The following MCPH1 variants were observed in gnomAD, a reference collection of about 807,000 sequenced individuals.
MCPH1 encodes microcephalin 1, also known as microcephalin.
MCPH1 carries 104 observed loss-of-function variants against 84.5 expected under a neutral mutation model. The ratio of observed to expected loss-of-function variants is 1.23; its 90% CI spans 1.05 to 1.45. MCPH1 has a LOEUF of 1.45. Among genes scored for constraint, MCPH1 ranks in the 40% most tolerant of loss-of-function variants. The pLI, the probability that MCPH1 is intolerant of heterozygous loss-of-function variation, is 0.00. For synonymous variants in MCPH1, 514 were observed against 366.8 expected (o/e 1.40, Z -4.58); for missense variants, 1,498 against 1,005.7 (o/e 1.49, Z -6.62).
intron 12 of MCPH1, among the ~76,000 whole-genome samples, chr8:6,531,720 G>A (rs1051641323): frequency 7.2e-5 from 11 of 152,204 alleles, no homozygotes; most frequent in African/African-American, 2.7e-4. Context: ...CCCAGAAAAG[G>A]TGAGTGCCTC....
chr8:6,478,997 G>T (rs1182494291), intron 10 of MCPH1, among the ~76,000 whole-genome samples: 1 of 152,184 alleles, frequency 6.6e-6, no homozygotes, highest in Non-Finnish European at 1.5e-5. Flanking sequence ...GGGTGTGTTG[G>T]TTCACGGCTA....
chr8:6,410,668 C>T (rs1798413529), intron 2 of MCPH1, among the ~76,000 whole-genome samples: 2 of 152,142 alleles, frequency 1.3e-5, no homozygotes, highest in African/African-American at 2.4e-5. Flanking sequence ...GATTCATTCA[C>T]GGGGAAGCCC....
At chr8:6,561,173 T>C (rs190199936) in intron 12 of MCPH1, among the ~76,000 whole-genome samples, 1 of 152,368 alleles carries the variant, frequency 6.6e-6, no homozygotes, top group East Asian at 1.9e-4. Context: ...GCTATGAATT[T>C]TAGAAGATGT....
At chr8:6,554,362 G>A (rs957556043) in intron 12 of MCPH1, among the ~76,000 whole-genome samples, 5 of 151,542 alleles carry the variant, frequency 3.3e-5, no homozygotes, top group Non-Finnish European at 7.4e-5. Flanking sequence ...CTTTGTTCAC[G>A]TTCTCGCCCC....
chr8:6,418,620 G>A (rs983983401), intron 3 of MCPH1, among the ~76,000 whole-genome samples: 1 of 151,894 alleles, frequency 6.6e-6, no homozygotes, highest in African/African-American at 2.4e-5. Context: ...GTCTCGCTCT[G>A]TCGCCAGGCT....
intron 11 of MCPH1, among the ~76,000 whole-genome samples, chr8:6,494,759 G>A (rs960815705): frequency 1.3e-5 from 2 of 152,178 alleles, no homozygotes; most frequent in African/African-American, 4.8e-5. Flanking sequence ...GGGATGGGGA[G>A]TGATTACTTA....
chr8:6,530,583 G>GAT (rs1187070260), intron 12 of MCPH1, among the ~76,000 whole-genome samples: 1 of 147,900 alleles, frequency 6.8e-6, no homozygotes, highest in African/African-American at 2.5e-5. Context: ...ATTCGCTTTA[G>GAT]ATATATATTG....
Position 6,433,403 on chromosome 8 carries a change from C to T in MCPH1, c.321+1817C>T, listed in dbSNP as rs1437722418. Among the ~76,000 whole-genome samples the T allele has an allele frequency of 5.3e-5, 8 of 152,156 alleles. No individual in the cohort carries two copies. In the East Asian group the frequency reaches 5.8e-4, roughly 11 times the overall value. ...ATCCCAGCACTTCAGAAGGCCAAGGCGGGCAAATCAGTTGAGGCCAGGAGT... is the reference window on the plus strand; with the variant it reads ...ATCCCAGCACTTCAGAAGGCCAAGGTGGGCAAATCAGTTGAGGCCAGGAGT... On this transcript the variant is annotated intron_variant, in intron 4 of 13. Transcript: ENST00000344683.
At chr8:6,617,879 C>CATCT (rs1168600044) in intron 12 of MCPH1, among the ~76,000 whole-genome samples, 1 of 119,808 alleles carries the variant, frequency 8.3e-6, no homozygotes, top group African/African-American at 3.0e-5. Context: ...GTCTATCATC[C>CATCT]ATCTATCTAT....
chr8:6,625,049 AT>A (rs1831922004), intron 13 of MCPH1: 2 of 527,214 alleles, frequency 3.8e-6, no homozygotes, highest in South Asian at 8.3e-5. Context: ...TAATTTTTGT[AT>A]TTTTAGTAGA....
chr8:6,499,904 T>G lies in MCPH1; in HGVS notation c.2189T>G (p.Leu730Arg). The change falls in exon 12 of 14, where the codon CTG (leucine) becomes CGG (arginine). Residue 730 changes from leucine to arginine, a missense_variant. Coordinates refer to ENST00000344683, the MANE Select transcript of MCPH1 (RefSeq NM_024596.5). ...TGGATTTCTGAGGAGCCGTTCGAAC[T>G]GTCTCACCACTTCCCTGCAGCTCCC... Reference protein sequence around the residue: ...GHWISEEPFELSHHFPAAPLC... With the variant: ...GHWISEEPFERSHHFPAAPLC... The G allele has an allele frequency of 6.2e-7, 1 of 1,613,746 alleles. No individual in the cohort carries two copies. Among genetic ancestry groups the G allele is most frequent in the South Asian group, 1.1e-5 (1 of 91,072 alleles).
Position 6,435,957 on chromosome 8 carries a change from T to A in MCPH1, c.322-91T>A. The A allele has an allele frequency of 2.7e-6, 4 of 1,477,892 alleles. No homozygotes were observed. In the South Asian group the frequency reaches 3.7e-5, roughly 14 times the overall value. 91.5% of individuals were successfully genotyped at this position (1,477,892 alleles called of 1,614,324 possible). On this transcript the variant is annotated intron_variant, in intron 4 of 13. Coordinates refer to ENST00000344683, the MANE Select transcript of MCPH1 (RefSeq NM_024596.5). ...TTAGAATTTTTTATTACTGATGTTA[T>A]AAAAGGTATCAGAAATGTATGCGAA...
At chr8:6,427,420 G>C (rs931621475) in intron 3 of MCPH1, among the ~76,000 whole-genome samples, 1 of 152,180 alleles carries the variant, frequency 6.6e-6, no homozygotes, top group Non-Finnish European at 1.5e-5. Context: ...CTCCCAGGCT[G>C]GAGTGAAGTG....
At chr8:6,534,174 C>G (rs926245934) in intron 12 of MCPH1, among the ~76,000 whole-genome samples, 3 of 151,914 alleles carry the variant, frequency 2.0e-5, no homozygotes, top group Admixed American at 6.6e-5. Flanking sequence ...GCCTCCACAT[C>G]TACGGGTTCA....
intron 11 of MCPH1, among the ~76,000 whole-genome samples, chr8:6,487,498 C>A (rs1205661868): frequency 6.6e-6 from 1 of 152,234 alleles, no homozygotes; most frequent in Non-Finnish European, 1.5e-5. Context: ...TAGTTCATCA[C>A]CCTGCATTCC....
intron 12 of MCPH1, among the ~76,000 whole-genome samples, chr8:6,567,721 A>G (rs1334696120): frequency 6.6e-6 from 1 of 152,178 alleles, no homozygotes; most frequent in Non-Finnish European, 1.5e-5. Context: ...ACCACCATGC[A>G]GCCTGGGGGT....
chr8:6,615,286 C>A (rs1189863651), intron 12 of MCPH1, among the ~76,000 whole-genome samples: 1 of 152,180 alleles, frequency 6.6e-6, no homozygotes, highest in African/African-American at 2.4e-5. Flanking sequence ...ATGCCCCAAG[C>A]CTACTCAGGC....
At chr8:6,506,596 C>T (rs892755919) in intron 12 of MCPH1, among the ~76,000 whole-genome samples, 1 of 152,146 alleles carries the variant, frequency 6.6e-6, no homozygotes, top group Non-Finnish European at 1.5e-5. Context: ...TCTGTGGCTC[C>T]TCCACCTGAC....
At chr8:6,601,220 G>T (rs2442560) in intron 12 of MCPH1, among the ~76,000 whole-genome samples, 66,167 of 151,958 alleles carry the variant, frequency 0.44, 14,777 homozygotes, top group East Asian at 0.71. Context: ...CACCCTCACA[G>T]CTCTCAGCTG....
Sources: allele counts gnomAD v4.1 joint callset (sites outside exome capture counted in the v4.1 genomes callset), GRCh38; gene constraint gnomAD v4.1.1; transcripts MANE v1.5; gene names NCBI Gene and HGNC (gene_info 2026-07-23, HGNC 2026-07-21).